Variants in TMEM223 observed in about 807,000 individuals in gnomAD.
TMEM223 encodes the protein transmembrane protein 223.
TMEM223 carries 14 observed loss-of-function variants against 14.1 expected under a neutral mutation model. That is an observed-to-expected ratio of 0.99 (90% CI 0.66 to 1.55). The LOEUF is 1.55. Among genes scored for constraint, TMEM223 ranks in the 40% most tolerant of loss-of-function variants. The pLI, the probability that TMEM223 is intolerant of heterozygous loss-of-function variation, is 0.00. For missense variants in TMEM223, 346 were observed against 269.9 expected (o/e 1.28, Z -1.97); for synonymous variants, 145 against 120.5 (o/e 1.20, Z -1.33).
chr11:62,781,884 T>G (rs993611114), intron 1 of TMEM223: 1 of 1,613,892 alleles, frequency 6.2e-7, no homozygotes, highest in Non-Finnish European at 8.5e-7. Context: ...GTCTGGGCCC[T>G]TCCTTTTAGG....
Position 62,790,414 on chromosome 11 carries a change from T to C in TMEM223, c.*209A>G, listed in dbSNP as rs1189794397. The C allele has an allele frequency of 3.4e-6, 2 of 585,572 alleles. No homozygotes were observed. Among genetic ancestry groups the C allele is most frequent in the East Asian group, 5.8e-5 (2 of 34,284 alleles). 36.3% of individuals were successfully genotyped at this position (585,572 alleles called of 1,614,324 possible). On this transcript the variant is annotated 3_prime_UTR_variant, in exon 2 of 2. Coordinates refer to ENST00000307366, the MANE Select transcript of TMEM223 (RefSeq NM_001080501.3). ...CTCCTTGTGTGACCCTGGTTGTTAC[T>C]CCATTCTAAGATTGGCGTTTTTTTT...
chr11:62,783,120 A>G (rs1173310436), downstream of TMEM223, among the ~76,000 whole-genome samples: 4 of 152,236 alleles, frequency 2.6e-5, no homozygotes, highest in Non-Finnish European at 4.4e-5. Context: ...TTACACATGA[A>G]TAGATACTGA....
chr11:62,782,902 T>C, downstream of TMEM223: 3 of 1,574,022 alleles, frequency 1.9e-6, no homozygotes, highest in South Asian at 1.2e-5. Flanking sequence ...TGCATCGTTA[T>C]CTCCAAAATA....
intron 1 of TMEM223, chr11:62,778,394 G>T: frequency 1.2e-6 from 2 of 1,600,542 alleles, no homozygotes; most frequent in Admixed American, 1.7e-5. Flanking sequence ...AGGTTCTGAG[G>T]GTGGTGCCTA....
At position 62,776,072 on chromosome 11, in the gene TMEM223, A is replaced by C; in HGVS notation, c.315-1407T>G. 4.3e-6 allele frequency: 5 copies of C among 1,175,666 alleles called. 1 individual carries two copies. The South Asian group carries it at 8.1e-5, about 19-fold the overall frequency. 72.8% of individuals were successfully genotyped at this position (1,175,666 alleles called of 1,614,324 possible). A position where few individuals can be genotyped will look rare whatever the true frequency, so the allele number is the denominator to read the frequency against. ...ACAGTCCATGCCTTTACAGAACTCTACTTGTAGCTGTCTGGGCTTCCAGCA... is the reference window on the plus strand; with the variant it reads ...ACAGTCCATGCCTTTACAGAACTCTCCTTGTAGCTGTCTGGGCTTCCAGCA... On this transcript the variant is annotated intron_variant, in intron 1 of 2. Transcript: ENST00000528367.
At chr11:62,788,875 T>C, downstream of TMEM223, 1 of 883,802 alleles carries the variant, frequency 1.1e-6, no homozygotes, top group South Asian at 1.8e-5. Context: ...TCTCCATCAA[T>C]ATCCCTGTCC....
chr11:62,791,996 G>A lies in TMEM223; in HGVS notation c.-2C>T. On this transcript the variant is annotated 5_prime_UTR_variant, in exon 1 of 2. Coordinates refer to ENST00000307366, the MANE Select transcript of TMEM223 (RefSeq NM_001080501.3). ...CCATCGCCTCCAAGGCGCCGCCATG[G>A]CCAGCCGACTTCCGGGGTGGGGCTT... 1 of 1,525,060 alleles carries A rather than the reference G, an allele frequency of 6.6e-7. No individual in the cohort carries two copies. Among genetic ancestry groups the A allele is most frequent in the Non-Finnish European group, 8.8e-7 (1 of 1,131,618 alleles). 94.5% of individuals were successfully genotyped at this position (1,525,060 alleles called of 1,614,324 possible).
intron 1 of TMEM223, chr11:62,781,844 G>A (rs763694808): frequency 5.3e-6 from 8 of 1,512,570 alleles, no homozygotes; most frequent in Non-Finnish European, 7.4e-6. Context: ...CCGCATTCAT[G>A]TTTTACAATT....
intron 1 of TMEM223, among the ~76,000 whole-genome samples, chr11:62,777,440 A>G (rs2084195911): frequency 6.6e-6 from 1 of 152,148 alleles, no homozygotes; most frequent in African/African-American, 2.4e-5. Flanking sequence ...TTCAGAAAAG[A>G]GGGAGAGGAG....
chr11:62,789,117 A>G (rs374520032), downstream of TMEM223: 1 of 1,614,084 alleles, frequency 6.2e-7, no homozygotes, highest in Non-Finnish European at 8.5e-7. Flanking sequence ...TCCCTGTGCT[A>G]CTTTGTAGCT....
At chr11:62,786,520 G>T, downstream of TMEM223, 1 of 1,554,634 alleles carries the variant, frequency 6.4e-7, no homozygotes, top group Non-Finnish European at 8.7e-7. Flanking sequence ...CTTACAGGTG[G>T]CGGTAGAGCG....
chr11:62,787,676 A>AT, downstream of TMEM223: 1 of 1,065,564 alleles, frequency 9.4e-7, no homozygotes, highest in South Asian at 1.7e-5. Flanking sequence ...CCTGAAATGC[A>AT]GCGAGGCTAA....
chr11:62,781,442 G>A (rs1327604030), intron 1 of TMEM223, among the ~76,000 whole-genome samples: 1 of 152,120 alleles, frequency 6.6e-6, no homozygotes, highest in Non-Finnish European at 1.5e-5. Flanking sequence ...GGGAGGCTGA[G>A]GTGGGCAGAT....
At position 62,790,811 on chromosome 11, in the gene TMEM223, A is replaced by AG. The variant is rs1565194912; in HGVS notation, c.420dup (p.Phe141LeufsTer22). On this transcript the variant is annotated frameshift_variant, in exon 2 of 2. Coordinates refer to ENST00000307366, the MANE Select transcript of TMEM223 (RefSeq NM_001080501.3). LOFTEE classifies it high-confidence loss of function. ...ACTGTGAAATGGGCCCCCAAGCCAA[A>AG]GGGGGCATGAGTGGTGAGGGTCACC... is the stretch of plus-strand genomic sequence containing the variant. The AG allele has an allele frequency of 6.2e-7, 1 of 1,605,964 alleles. No homozygotes were observed. The highest frequency in any genetic ancestry group is 8.5e-7 in the Non-Finnish European group (1 of 1,176,220).
At chr11:62,778,225 G>A (rs1417711114) in intron 1 of TMEM223, 1 of 1,613,526 alleles carries the variant, frequency 6.2e-7, no homozygotes, top group African/African-American at 1.3e-5. Context: ...ACTTGGAGGG[G>A]TAGGCGGTAC....
At chr11:62,782,186 C>T (rs758293617) in intron 1 of TMEM223, 61 of 1,613,968 alleles carry the variant, frequency 3.8e-5, no homozygotes, top group South Asian at 3.4e-4. Context: ...TTTCGTAATC[C>T]GCACCTGTGC....
At chr11:62,776,781 G>A (rs533873585) in intron 1 of TMEM223, among the ~76,000 whole-genome samples, 1 of 151,244 alleles carries the variant, frequency 6.6e-6, no homozygotes, top group East Asian at 1.9e-4. Context: ...AACCTAGCAG[G>A]CAGAGGTTGT....
chr11:62,785,786 C>G (rs924796073), downstream of TMEM223, among the ~76,000 whole-genome samples: 1 of 142,144 alleles, frequency 7.0e-6, no homozygotes, highest in Non-Finnish European at 1.5e-5. Flanking sequence ...CCACTGGCCT[C>G]GGCCTCCCAA....
chr11:62,791,116 C>T, intron 1 of TMEM223, among the ~76,000 whole-genome samples: 1 of 151,850 alleles, frequency 6.6e-6, no homozygotes, highest in East Asian at 1.9e-4. Flanking sequence ...TCTTGTTATT[C>T]CTCCCAACAA....
Sources: allele counts gnomAD v4.1 joint callset (sites outside exome capture counted in the v4.1 genomes callset), GRCh38; gene constraint gnomAD v4.1.1; transcripts MANE v1.5; gene names NCBI Gene and HGNC (gene_info 2026-07-23, HGNC 2026-07-21).